Variants in EVC observed in about 807,000 individuals in gnomAD.
EVC encodes the protein EvC ciliary complex subunit 1.
In EVC, 116 loss-of-function variants were observed where a neutral mutation model predicts 118.9. That is an observed-to-expected ratio of 0.98 (90% CI 0.84 to 1.14). The LOEUF (loss-of-function observed/expected upper bound fraction) is 1.14, where lower values mean the gene tolerates loss of function less well. Ranked by LOEUF, EVC falls within the 50% of genes most tolerant of loss-of-function variation. The pLI is 0.00. For synonymous variants in EVC, 619 were observed against 534.7 expected, an observed-to-expected ratio of 1.16 and a Z score of -2.18; for missense variants, 1,401 against 1,246.4, an observed-to-expected ratio of 1.12 and a Z score of -1.87.
rs114621329 is a variant in EVC at position 5,719,230 on chromosome 4, C to G, written c.175-18C>G. 501 of 1,614,130 alleles carry G rather than the reference C, an allele frequency of 3.1e-4. 3 individuals are homozygous for G. In the African/African-American group the frequency reaches 5.8e-3, roughly 19 times the overall value. ...TTGTGTTTCTATCCACCCCCAACTC[C>G]TGACCTTCGGGTTTTAGAAAGACGA... is the stretch of plus-strand genomic sequence containing the variant. On this transcript the variant is annotated intron_variant, in intron 1 of 20. Transcript: ENST00000264956. This position sits in a 1 kb window ranked among gnomAD's most constrained non-coding sequence, Gnocchi z 4.7.
intron 15 of EVC, among the ~76,000 whole-genome samples, chr4:5,800,115 C>T (rs577453744): frequency 1.8e-3 from 271 of 152,272 alleles, no homozygotes; most frequent in African/African-American, 5.9e-3. Context: ...GAGGCCAAGG[C>T]GGGTGGATCA....
chr4:5,744,838 G>T (rs1208658709), intron 6 of EVC, among the ~76,000 whole-genome samples: 1 of 152,094 alleles, frequency 6.6e-6, no homozygotes, highest in Non-Finnish European at 1.5e-5. Context: ...CTGGGGTGTT[G>T]TTCTTTCCCA....
At position 5,775,016 on chromosome 4, in the gene EVC, C is replaced by A. The variant is rs1478758053; in HGVS notation, c.1564-8536C>A. Among the ~76,000 whole-genome samples, 6 of 152,098 alleles carry A rather than the reference C, an allele frequency of 3.9e-5. No homozygotes were observed. In the East Asian group the frequency reaches 9.6e-4, roughly 24 times the overall value. On this transcript the variant is annotated intron_variant, in intron 11 of 20. Coordinates refer to ENST00000264956, the MANE Select transcript of EVC (RefSeq NM_153717.3). ...ATTAGAAGGAGCCTAAGCTAATGGA[C>A]CCTGTTGTTTTTACAAAGCTAACCC...
At chr4:5,804,436 G>T (rs1039711414) in intron 16 of EVC, among the ~76,000 whole-genome samples, 4 of 152,268 alleles carry the variant, frequency 2.6e-5, no homozygotes, top group African/African-American at 9.6e-5. Context: ...TAAGCTCTTT[G>T]TGGTGCCTTC....
Position 5,742,672 on chromosome 4 carries a change from A to G in EVC, c.801+858A>G, listed in dbSNP as rs1039310474. On this transcript the variant is annotated intron_variant, in intron 6 of 20. Coordinates refer to ENST00000264956, the MANE Select transcript of EVC (RefSeq NM_153717.3). The surrounding 1 kb of genome is among the most constrained non-coding windows in gnomAD (Gnocchi z 5.2). ...CATCATCATGAGCATCATTTTTATCATTGTTGTAATTATTGGCATTCTCAT... is the reference window on the plus strand; with the variant it reads ...CATCATCATGAGCATCATTTTTATCGTTGTTGTAATTATTGGCATTCTCAT... Among the ~76,000 whole-genome samples, 4 of 152,062 alleles carry G rather than the reference A, an allele frequency of 2.6e-5. No homozygotes were observed. The highest frequency in any genetic ancestry group is 2.0e-4 in the Admixed American group (3 of 15,264).
rs1303234245 is a variant in EVC, at chr4:5,752,941, C to T, written c.1204C>T (p.His402Tyr). 2.5e-6 allele frequency: 4 copies of T among 1,614,150 alleles called. No individual in the cohort carries two copies. The highest frequency in any genetic ancestry group is 3.4e-6 in the Non-Finnish European group (4 of 1,180,036). The change falls in exon 9 of 21, where the codon CAC becomes TAC. Residue 402 changes from histidine (H) to tyrosine (Y), a missense_variant. Transcript: ENST00000264956. ...CAGGTGCCGGCTGGCTGCCATCTCC[C>T]ACGGCCTGGAGCTGCTGGCTGGTGA... is the stretch of plus-strand genomic sequence containing the variant. Reference protein sequence around the residue: ...ETRCRLAAISHGLELLAGEGK... With the variant: ...ETRCRLAAISYGLELLAGEGK...
At chr4:5,720,218 T>C (rs1184122028) in intron 2 of EVC, among the ~76,000 whole-genome samples, 1 of 152,176 alleles carries the variant, frequency 6.6e-6, no homozygotes, top group Admixed American at 6.5e-5. Context: ...CATTATTTTT[T>C]AGCATCACTC....
intron 3 of EVC, among the ~76,000 whole-genome samples, chr4:5,729,659 C>G (rs1014341013): frequency 6.6e-6 from 1 of 152,142 alleles, no homozygotes; most frequent in South Asian, 2.1e-4. Context: ...AACACTAATA[C>G]AAACACTGAT....
At position 5,753,870 on chromosome 4, in the gene EVC, G is replaced by C; in HGVS notation, c.1401G>C (p.Glu467Asp). 1 of 1,614,044 alleles carries C rather than the reference G, an allele frequency of 6.2e-7. No individual in the cohort carries two copies. The highest frequency in any genetic ancestry group is 8.5e-7 in the Non-Finnish European group (1 of 1,180,042). The part of the protein sequence containing the change: ...EGTAKLTLAQ[E>D]EEQRSFLAEA... ...CGGCAAAACTCACGCTGGCCCAAGA[G>C]GAGGAACAGAGAAGCTTCCTGGCTG... The change falls in exon 10 of 21, where the codon GAG becomes GAC. Residue 467 changes from glutamate (E) to aspartate (D), a missense_variant. By Grantham distance (45) the Glu-to-Asp change is conservative. Coordinates refer to ENST00000264956, the MANE Select transcript of EVC (RefSeq NM_153717.3).
At chr4:5,733,520 C>T in intron 5 of EVC, 85 bp downstream of exon 5, 1 of 1,162,032 alleles carries the variant, frequency 8.6e-7, no homozygotes. Flanking sequence ...GTCCCAGAGA[C>T]CCTTGAGAGG....
chr4:5,729,024 C>T (rs1030579503), intron 2 of EVC, among the ~76,000 whole-genome samples: 2 of 152,098 alleles, frequency 1.3e-5, no homozygotes, highest in Non-Finnish European at 2.9e-5. Context: ...ATCCAACCAC[C>T]CATCTATTCA....
chr4:5,825,978 G>T, the EVC span: 52 of 387,236 alleles, frequency 1.3e-4, no homozygotes, highest in Non-Finnish European at 2.0e-4. This position sits in a 1 kb window ranked among gnomAD's most constrained non-coding sequence, Gnocchi z 4.4. Flanking sequence ...TAACAAAACA[G>T]GCCTACACAG....
Position 5,798,519 on chromosome 4 carries a change from CAGTCCTGGCCAGAGCTTCTCTGTGAGAGG to C in EVC, c.2098-64_2098-36del. The stretch of plus-strand genomic sequence containing the variant: ...CCTGGATAGGACCAGCCCCACATCC[CAGTCCTGGCCAGAGCTTCTCTGTGAGAGG>C]AGCACTTGGCCCCTGCTCCCAGTCC... On this transcript the variant is annotated intron_variant, in intron 14 of 20. Transcript: ENST00000264956. This position sits in a 1 kb window ranked among gnomAD's most constrained non-coding sequence, Gnocchi z 4.1. 1 of 1,489,560 alleles carries C rather than the reference CAGTCCTGGCCAGAGCTTCTCTGTGAGAGG, an allele frequency of 6.7e-7. No homozygotes were observed. The highest frequency in any genetic ancestry group is 9.2e-7 in the Non-Finnish European group (1 of 1,092,720). 92.3% of individuals were successfully genotyped at this position (1,489,560 alleles called of 1,614,324 possible).
intron 8 of EVC, among the ~76,000 whole-genome samples, chr4:5,750,179 G>C (rs796206301): frequency 3.9e-4 from 60 of 152,190 alleles, no homozygotes; most frequent in African/African-American, 1.4e-3. Flanking sequence ...GCTGAGCCTG[G>C]GCCTGAAGCT....
At chr4:5,827,620 G>A in the EVC span, among the ~76,000 whole-genome samples, 10 of 151,502 alleles carry the variant, frequency 6.6e-5, no homozygotes, top group South Asian at 6.3e-4. Context: ...ACACACACGC[G>A]CACACACACA....
intron 16 of EVC, 132 bp from the exon 17 acceptor site, chr4:5,804,598 T>A: frequency 1.3e-6 from 1 of 756,856 alleles, no homozygotes; most frequent in Non-Finnish European, 2.4e-6. Flanking sequence ...GCCCTGTCCC[T>A]GTGCTGGTGG....
At chr4:5,747,448 A>G (rs1420345897) in intron 7 of EVC, among the ~76,000 whole-genome samples, 2 of 152,164 alleles carry the variant, frequency 1.3e-5, no homozygotes, top group East Asian at 1.9e-4. Context: ...GCCTGTTCCT[A>G]CACCTCTAGA....
chr4:5,806,806 G>C (rs946166900), intron 17 of EVC, among the ~76,000 whole-genome samples: 1 of 152,104 alleles, frequency 6.6e-6, no homozygotes. Flanking sequence ...TCCCACCAAT[G>C]GTGCATAAGT....
intron 7 of EVC, 111 bp downstream of exon 7, chr4:5,745,452 A>T: frequency 1.7e-6 from 2 of 1,165,512 alleles, no homozygotes; most frequent in Non-Finnish European, 2.5e-6. Flanking sequence ...GAATTCCCCT[A>T]TCGCATTCTG....
Sources: allele counts gnomAD v4.1 joint callset (sites outside exome capture counted in the v4.1 genomes callset), GRCh38; gene constraint gnomAD v4.1.1; non-coding constraint Gnocchi (gnomAD v3.1); transcripts MANE v1.5; gene names NCBI Gene and HGNC (gene_info 2026-07-23, HGNC 2026-07-21).